Variants in TMEM245 observed in about 807,000 individuals in gnomAD.
TMEM245 encodes transmembrane protein 245, also known as protein CG-2.
Under a neutral mutation model 101.2 loss-of-function variants are expected in TMEM245, and 69 were observed. The observed-to-expected ratio is 0.68, with a 90% confidence interval of 0.56 to 0.83. The LOEUF is 0.83. Ranked by LOEUF, TMEM245 falls within the 40% of genes least tolerant of loss-of-function variation. TMEM245 has a pLI of 0.00. For synonymous variants in TMEM245, 537 were observed against 449.8 expected (o/e 1.19, Z -2.45); for missense variants, 1,075 against 1,092.8 (o/e 0.98, Z 0.23).
Position 109,020,003 on chromosome 9 carries a change from G to T in TMEM245, c.*457C>A, listed in dbSNP as rs1827571483. The stretch of plus-strand genomic sequence containing the variant: ...TGCTCACTCAACTACACACTCAAAA[G>T]TGAAAGCCCTCTTCCTTGAAAAGTG... On this transcript the variant is annotated 3_prime_UTR_variant, in exon 18 of 18. Coordinates refer to ENST00000374586, the MANE Select transcript of TMEM245 (RefSeq NM_032012.4). 6.5e-6 allele frequency: 1 copy of T among 153,850 alleles called. No homozygotes were observed. Among genetic ancestry groups the T allele is most frequent in the African/African-American group, 2.4e-5 (1 of 41,420 alleles). The allele number at this position is 153,850 out of a possible 1,614,324, so 9.5% of individuals were successfully genotyped here.
chr9:109,091,584 T>C (rs189929301), intron 4 of TMEM245, among the ~76,000 whole-genome samples: 1 of 152,330 alleles, frequency 6.6e-6, no homozygotes, highest in East Asian at 1.9e-4. Context: ...ACAAGAAGAC[T>C]TTTCAGTGTT....
In TMEM245 at chr9:109,036,344, C is replaced by T; in HGVS notation, c.2261G>A (p.Gly754Glu). 6.2e-7 allele frequency: 1 copy of T among 1,612,110 alleles called. No individual in the cohort carries two copies. Among genetic ancestry groups the T allele is most frequent in the Non-Finnish European group, 8.5e-7 (1 of 1,179,600 alleles). The change falls in exon 16 of 18, where the codon GGG becomes GAG. Residue 754 changes from glycine to glutamate, a missense_variant. Gly to Glu is a moderately conservative substitution (Grantham distance 98). Around this residue, in one of 2 missense-constraint regions of TMEM245, gnomAD observed 267 missense variants for 351.3 expected, o/e 0.76. Transcript: ENST00000374586. The stretch of plus-strand genomic sequence containing the variant: ...TGCAGGTACTGCTGCCCAGTATGTC[C>T]CCAGGAATGGCACTGCTCCAAGGAT... The part of the protein sequence containing the change: ...AAILGAVPFL[G>E]TYWAAVPAVL...
In TMEM245 at chr9:109,119,768, G is replaced by A. The variant is rs1488291467; in HGVS notation, c.146C>T (p.Pro49Leu). Residue 49 changes from proline (P) to leucine (L), a missense_variant, in exon 1 of 18, where the codon CCC becomes CTC. Pro to Leu is a moderately conservative substitution (Grantham distance 98, BLOSUM62 -3). Transcript: ENST00000374586. ...TAALALRFDK[P>L]IKQAFYNTGA... The stretch of plus-strand genomic sequence containing the variant: ...GGTGTTGTAGAAGGCCTGCTTAATG[G>A]GCTTGTCGAAGCGCAGCGCCAGCGC... The A allele has an allele frequency of 6.7e-7, 1 of 1,497,422 alleles. No homozygotes were observed. 92.8% of individuals were successfully genotyped at this position (1,497,422 alleles called of 1,614,324 possible).
chr9:109,091,805 T>C (rs936974092), intron 4 of TMEM245, among the ~76,000 whole-genome samples: 1 of 152,200 alleles, frequency 6.6e-6, no homozygotes, highest in Non-Finnish European at 1.5e-5. Flanking sequence ...CTATTATTTC[T>C]ATTTCCTAGT....
At chr9:109,117,841 C>G (rs1830767495) in intron 1 of TMEM245, among the ~76,000 whole-genome samples, 1 of 152,210 alleles carries the variant, frequency 6.6e-6, no homozygotes, top group East Asian at 1.9e-4. Context: ...TGAATTTCTT[C>G]AGGAAAATAA....
chr9:109,073,313 C>G (rs1829389394), intron 9 of TMEM245, 43 bp downstream of exon 9: 2 of 1,442,932 alleles, frequency 1.4e-6, no homozygotes, highest in Non-Finnish European at 1.9e-6. Flanking sequence ...GATGCTGAAA[C>G]TAGGCCATTC....
At chr9:109,055,001 G>A (rs998090262) in intron 12 of TMEM245, among the ~76,000 whole-genome samples, 3 of 152,164 alleles carry the variant, frequency 2.0e-5, no homozygotes, top group Non-Finnish European at 4.4e-5. Flanking sequence ...TAGGGATACA[G>A]AAATTGTACT....
intron 8 of TMEM245, among the ~76,000 whole-genome samples, chr9:109,077,903 C>T (rs942279631): frequency 9.9e-5 from 15 of 152,242 alleles, no homozygotes; most frequent in Admixed American, 7.2e-4. Flanking sequence ...AGTTGCTTCT[C>T]GTGTAACCTA....
At chr9:109,112,908 T>A (rs1239197104) in intron 1 of TMEM245, among the ~76,000 whole-genome samples, 1 of 152,056 alleles carries the variant, frequency 6.6e-6, no homozygotes, top group Non-Finnish European at 1.5e-5. Context: ...AAACCCCGTC[T>A]CTACTAAAAA....
intron 10 of TMEM245, among the ~76,000 whole-genome samples, chr9:109,063,268 C>G (rs546253851): frequency 6.6e-6 from 1 of 152,074 alleles, no homozygotes; most frequent in South Asian, 2.1e-4. Context: ...TACAGGCGTG[C>G]GCAACCACGC....
chr9:109,033,209 C>T (rs1828016713), intron 17 of TMEM245, 98 bp downstream of exon 17: 5 of 1,315,048 alleles, frequency 3.8e-6, no homozygotes, highest in Admixed American at 5.0e-5. Context: ...ACTCAAATAC[C>T]TTTATCCTGA....
At chr9:109,077,544 AT>A (rs1361527645) in intron 8 of TMEM245, among the ~76,000 whole-genome samples, 2 of 152,142 alleles carry the variant, frequency 1.3e-5, no homozygotes, top group Admixed American at 6.5e-5. Context: ...ATAATCATAG[AT>A]TTGTTTATTT....
At chr9:109,094,749 T>G (rs1830094384) in intron 3 of TMEM245, among the ~76,000 whole-genome samples, 1 of 152,206 alleles carries the variant, frequency 6.6e-6, no homozygotes, top group African/African-American at 2.4e-5. Context: ...TAGATTCTAT[T>G]GTTCACAACT....
intron 14 of TMEM245, chr9:109,039,263 G>A (rs373085219): frequency 1.3e-5 from 2 of 152,076 alleles, no homozygotes; most frequent in Admixed American, 6.6e-5. Flanking sequence ...ACTAGAGAAC[G>A]TCTTAAAGGA....
intron 7 of TMEM245, among the ~76,000 whole-genome samples, chr9:109,083,910 A>ACAAAAC (rs1564197242): frequency 4.5e-5 from 5 of 111,566 alleles, no homozygotes; most frequent in Admixed American, 4.4e-4. Flanking sequence ...ACAAAAAAAA[A>ACAAAAC]AAAAAAAAAA....
chr9:109,061,430 C>T (rs977480610), intron 10 of TMEM245, among the ~76,000 whole-genome samples: 1 of 152,138 alleles, frequency 6.6e-6, no homozygotes. Flanking sequence ...TACATAGAGA[C>T]AATTTAGAAT....
At chr9:109,061,719 C>G (rs1386185787) in intron 10 of TMEM245, among the ~76,000 whole-genome samples, 1 of 151,982 alleles carries the variant, frequency 6.6e-6, no homozygotes, top group Non-Finnish European at 1.5e-5. Context: ...CAGGTGTGCG[C>G]CCCCACACCC....
chr9:109,076,149 T>C (rs573408692), intron 8 of TMEM245, among the ~76,000 whole-genome samples: 126 of 152,188 alleles, frequency 8.3e-4, no homozygotes, highest in South Asian at 1.9e-3. Context: ...CCAACAATGA[T>C]AGACTGGATT....
chr9:109,068,418 A>T (rs1829236115), intron 9 of TMEM245, among the ~76,000 whole-genome samples: 2 of 149,100 alleles, frequency 1.3e-5, no homozygotes, highest in Admixed American at 6.8e-5. Flanking sequence ...AAGCGGGTGG[A>T]TCACTTGAGG....
Sources: gnomAD v4.1 joint callset for allele counts (sites outside exome capture counted in the v4.1 genomes callset) on GRCh38, gnomAD v4.1.1 for gene constraint, gnomAD v4.1.1 regional missense constraint, MANE v1.5 for transcripts, NCBI Gene and HGNC (gene_info 2026-07-23, HGNC 2026-07-21) for gene names.